ACAN: variants seen among roughly 807,000 people sequenced by gnomAD.
ACAN encodes aggrecan, also known as aggrecan core protein.
ACAN carries 47 observed loss-of-function variants against 169.1 expected under a neutral mutation model. The observed-to-expected ratio is 0.28, with a 90% confidence interval of 0.22 to 0.35. ACAN has a LOEUF of 0.35. ACAN is among the 10% of genes least tolerant of loss of function. The probability of loss-of-function intolerance (pLI) is 1.00; values close to 1 mark genes in which losing one functional copy is unlikely to be tolerated. For missense variants in ACAN, 2,716 were observed against 2,759.9 expected, an observed-to-expected ratio of 0.98 and a Z score of 0.36; for synonymous variants, 1,115 against 1,112.2, an observed-to-expected ratio of 1.00 and a Z score of -0.05.
At chr15:88,847,492 C>T in intron 8 of ACAN, 75 bp downstream of exon 8, 1 of 1,431,902 alleles carries the variant, frequency 7.0e-7, no homozygotes, top group Non-Finnish European at 9.3e-7. Flanking sequence ...CTGACACCGC[C>T]CCCAGCACAC....
rs1897149286 is a variant in ACAN, at chr15:88,859,485, A to C, written c.6832+68A>C. On this transcript the variant is annotated intron_variant, in intron 12 of 18. Coordinates refer to ENST00000560601, the MANE Select transcript of ACAN (RefSeq NM_001369268.1). ...AGACTGTAGCCTACTGCAGCACAGA[A>C]GGAGGCAGCATAGCTTTAAGGTTCC... The C allele has an allele frequency of 4.5e-6, 7 of 1,547,052 alleles. No homozygotes were observed. The Admixed American group carries it at 1.4e-4, about 30-fold the overall frequency.
intron 1 of ACAN, among the ~76,000 whole-genome samples, chr15:88,824,234 G>A (rs879383621): frequency 2.6e-5 from 4 of 151,868 alleles, no homozygotes; most frequent in Admixed American, 6.6e-5. Flanking sequence ...TGAGGCAGGA[G>A]AATGGCGTGA....
intron 13 of ACAN, among the ~76,000 whole-genome samples, chr15:88,867,767 G>A (rs544113938): frequency 7.0e-4 from 106 of 152,174 alleles, no homozygotes; most frequent in Non-Finnish European, 1.3e-3. Flanking sequence ...AAGGAAGCCA[G>A]GAAAAGAAAG....
At chr15:88,820,311 G>A (rs1044402080) in intron 1 of ACAN, among the ~76,000 whole-genome samples, 9 of 152,106 alleles carry the variant, frequency 5.9e-5, no homozygotes, top group African/African-American at 9.7e-5. Context: ...CGGCAAACTG[G>A]ATCATAATAG....
At chr15:88,850,643 TA>T (rs1896909300) in intron 10 of ACAN, 1 of 152,170 alleles carries the variant, frequency 6.6e-6, no homozygotes, top group African/African-American at 2.4e-5. Flanking sequence ...GGTCACCTTT[TA>T]AAACCCAATT....
chr15:88,837,681 C>T (rs746642735), intron 2 of ACAN, among the ~76,000 whole-genome samples: 1 of 152,142 alleles, frequency 6.6e-6, no homozygotes, highest in Non-Finnish European at 1.5e-5. Flanking sequence ...GCCCAGCACT[C>T]GGAGGAAGAT....
In ACAN at chr15:88,851,781, A is replaced by G; in HGVS notation, c.2027-13A>G. The G allele has an allele frequency of 1.9e-6, 3 of 1,567,370 alleles. No individual in the cohort carries two copies. The highest frequency in any genetic ancestry group is 2.6e-6 in the Non-Finnish European group (3 of 1,155,820). On this transcript the variant is annotated splice_polypyrimidine_tract_variant and intron_variant, in intron 10 of 18. Transcript: ENST00000560601. This position sits in a 1 kb window ranked among gnomAD's most constrained non-coding sequence, Gnocchi z 4.3. ...AGAGAGGGACTCACTCTGACCACCCACATCTCCTTTAGGCATTTCAGCGGT... is the reference window on the plus strand; with the variant it reads ...AGAGAGGGACTCACTCTGACCACCCGCATCTCCTTTAGGCATTTCAGCGGT...
intron 1 of ACAN, among the ~76,000 whole-genome samples, chr15:88,822,896 C>T (rs546879147): frequency 6.6e-6 from 1 of 152,316 alleles, no homozygotes; most frequent in African/African-American, 2.4e-5. Context: ...CATCTGTCCC[C>T]AAAACTGAAA....
At chr15:88,848,869 G>A (rs1268980174) in intron 9 of ACAN, among the ~76,000 whole-genome samples, 2 of 152,214 alleles carry the variant, frequency 1.3e-5, no homozygotes, top group Non-Finnish European at 2.9e-5. Context: ...AATGAGATAT[G>A]TATGAAAAGT....
rs564393851 is a variant in ACAN, at chr15:88,871,552, G to C, written c.7219+12G>C. 1.2e-6 allele frequency: 2 copies of C among 1,605,676 alleles called. No homozygotes were observed. On this transcript the variant is annotated intron_variant, in intron 15 of 18. Transcript: ENST00000560601. The surrounding 1 kb of genome is among the most constrained non-coding windows in gnomAD (Gnocchi z 7.8). ...GGAGTTTGTCAACAGTGAGTGCGGC[G>C]GGGCCTCTGGAGCCTGAGAGGAGAG...
In ACAN at chr15:88,851,064, C is replaced by G. The variant is rs1896919202; in HGVS notation, c.2027-730C>G. 6.6e-6 allele frequency: 1 copy of G among 152,380 alleles called. No individual in the cohort carries two copies. Among genetic ancestry groups the G allele is most frequent in the Non-Finnish European group, 1.5e-5 (1 of 68,248 alleles). The allele number at this position is 152,380 out of a possible 1,614,324, so 9.4% of individuals were successfully genotyped here. A position where few individuals can be genotyped will look rare whatever the true frequency, so the allele number is the denominator to read the frequency against. ...CCTTCCCTGCTCTGGGAAGCAGAAA[C>G]CAAGCCAGTTAACCTCCCAGAAATT... On this transcript the variant is annotated intron_variant, in intron 10 of 18. Transcript: ENST00000560601. The surrounding 1 kb of genome is among the most constrained non-coding windows in gnomAD (Gnocchi z 4.3).
chr15:88,856,923 G>C lies in ACAN; in HGVS notation c.4338G>C (p.Glu1446Asp), dbSNP rs781478525. The C allele has an allele frequency of 4.4e-6, 7 of 1,606,006 alleles. No homozygotes were observed. Among genetic ancestry groups the C allele is most frequent in the Non-Finnish European group, 8.5e-7 (1 of 1,174,876 alleles). The change falls in exon 12 of 19, where the codon GAG becomes GAC. Residue 1446 changes from glutamate to aspartate, a missense_variant. By Grantham distance (45) the Glu-to-Asp change is conservative. This residue lies in a region of ACAN where 1,389 missense variants were observed against 1,363.7 expected (regional missense o/e 1.02). Coordinates refer to ENST00000560601, the MANE Select transcript of ACAN (RefSeq NM_001369268.1). ...EVLETTAPGVEEISGLPSGEV... is the reference protein window; with the variant it reads ...EVLETTAPGVDEISGLPSGEV... ...TAGAGACTACTGCCCCTGGAGTAGA[G>C]GAGATCAGCGGGCTTCCTTCTGGAG...
In ACAN at chr15:88,861,391, C is replaced by T. The variant is rs891219217; in HGVS notation, c.6946+952C>T. Among the ~76,000 whole-genome samples, 12 of 152,050 alleles carry T rather than the reference C, an allele frequency of 7.9e-5. No individual in the cohort carries two copies. The highest frequency in any genetic ancestry group is 3.9e-4 in the Admixed American group (6 of 15,268). ...AATCACTTCCACGTAAACCTCATGT[C>T]GGGCAATTATCCTTCGATAGCCTTT... On this transcript the variant is annotated intron_variant, in intron 13 of 18. Coordinates refer to ENST00000560601, the MANE Select transcript of ACAN (RefSeq NM_001369268.1). This position sits in a 1 kb window ranked among gnomAD's most constrained non-coding sequence, Gnocchi z 6.3.
intron 12 of ACAN, among the ~76,000 whole-genome samples, chr15:88,859,989 G>A (rs1334947149): frequency 6.6e-6 from 1 of 151,766 alleles, no homozygotes; most frequent in African/African-American, 2.4e-5. Flanking sequence ...TGTACAAAGG[G>A]GCTCCTGTAC....
In ACAN at chr15:88,874,406, C is replaced by A; in HGVS notation, c.7632C>A (p.Pro2544=). 1 of 1,603,328 alleles carries A rather than the reference C, an allele frequency of 6.2e-7. No individual in the cohort carries two copies. Among genetic ancestry groups the A allele is most frequent in the South Asian group, 1.1e-5 (1 of 88,676 alleles). The change falls in exon 19 of 19, where the codon CCC becomes CCA. Residue 2544 remains proline (P), a splice_region_variant and synonymous_variant. Transcript: ENST00000560601. This position sits in a 1 kb window ranked among gnomAD's most constrained non-coding sequence, Gnocchi z 7.3. The part of the protein sequence containing the change: ...WEEPQITCTD[P]TTYKRRLQKR... ...CTTTCCATCTCCCTTTCGTCCTAGC[C>A]ACCACCTACAAACGCAGACTACAGA...
intron 4 of ACAN, among the ~76,000 whole-genome samples, chr15:88,840,623 C>A (rs16942324): frequency 0.022 from 3,384 of 152,226 alleles, 50 homozygotes; most frequent in Middle Eastern, 0.054. Flanking sequence ...TCCAGATAGA[C>A]CCTGCCCTCA....
chr15:88,859,518 ACTC>A, intron 12 of ACAN, 101 bp downstream of exon 12: 15 of 1,490,574 alleles, frequency 1.0e-5, no homozygotes, highest in Non-Finnish European at 1.4e-5. Context: ...TCCAAGAACA[ACTC>A]CACCAAAGGT....
At chr15:88,808,867 G>A (rs947070662) in intron 1 of ACAN, among the ~76,000 whole-genome samples, 4 of 151,192 alleles carry the variant, frequency 2.6e-5, no homozygotes, top group African/African-American at 9.7e-5. Flanking sequence ...AGTTAGGTAG[G>A]CAGTGCAGAG....
chr15:88,846,828 CA>C (rs1384205809), intron 7 of ACAN, among the ~76,000 whole-genome samples: 15 of 152,330 alleles, frequency 9.8e-5, no homozygotes, highest in Non-Finnish European at 8.8e-5. Flanking sequence ...GTAGTTGTAA[CA>C]GAAGCCACAT....
Sources: allele counts gnomAD v4.1 joint callset (sites outside exome capture counted in the v4.1 genomes callset), GRCh38; gene constraint gnomAD v4.1.1; regional missense constraint gnomAD v4.1.1; non-coding constraint Gnocchi (gnomAD v3.1); transcripts MANE v1.5; gene names NCBI Gene and HGNC (gene_info 2026-07-23, HGNC 2026-07-21).